Variants in PHLDB1 observed in about 807,000 individuals in gnomAD.
PHLDB1 encodes pleckstrin homology like domain family B member 1.
A neutral mutation model predicts 139.3 loss-of-function variants in PHLDB1; 65 were observed. The observed-to-expected ratio is 0.47, with a 90% CI of 0.38 to 0.57. The LOEUF is 0.57. Ranked by LOEUF, PHLDB1 falls within the 20% of genes least tolerant of loss-of-function variation. The pLI is 0.00. For synonymous variants in PHLDB1, 679 were observed against 734.5 expected (o/e 0.92, Z 1.22); for missense variants, 1,624 against 1,839.7 (o/e 0.88, Z 2.14).
chr11:118,612,763 T>C (rs533326896), intron 1 of PHLDB1, among the ~76,000 whole-genome samples: 1 of 152,304 alleles, frequency 6.6e-6, no homozygotes, highest in East Asian at 1.9e-4. Context: ...CCTTTCCAAG[T>C]CCCCTGGTAG....
At chr11:118,655,401 T>G in intron 20 of PHLDB1, 8 of 482,306 alleles carry the variant, frequency 1.7e-5, no homozygotes, top group East Asian at 3.6e-5. Context: ...GGAGTTCTGA[T>G]TTGTATTTCT....
Position 118,639,023 on chromosome 11 carries a change from C to T in PHLDB1, c.2646+22C>T, listed in dbSNP as rs113313560. Reference sequence around the variant, plus strand: ...AAAGGTAGGGTCCCTGAGGTTGGGCCGGGAGATTTGGAGTAGGGTAAGTGG... The same window carrying T: ...AAAGGTAGGGTCCCTGAGGTTGGGCTGGGAGATTTGGAGTAGGGTAAGTGG... On this transcript the variant is annotated intron_variant, in intron 11 of 22. Transcript: ENST00000600882. 13,851 of 1,601,982 alleles carry T rather than the reference C, an allele frequency of 8.6e-3. 125 individuals carry two copies. Among genetic ancestry groups the T allele is most frequent in the Admixed American group, 0.041 (2,432 of 59,668 alleles).
At position 118,650,631 on chromosome 11, in the gene PHLDB1, C is replaced by T; in HGVS notation, c.3874+84C>T. 1.1e-6 allele frequency: 1 copy of T among 893,746 alleles called. No individual in the cohort carries two copies. The highest frequency in any genetic ancestry group is 1.9e-6 in the Non-Finnish European group (1 of 535,490). The allele number at this position is 893,746 out of a possible 1,614,324, so 55.4% of individuals were successfully genotyped here. A position where few individuals can be genotyped will look rare whatever the true frequency, so the allele number is the denominator to read the frequency against. On this transcript the variant is annotated intron_variant, in intron 20 of 22. Transcript: ENST00000600882. This position sits in a 1 kb window ranked among gnomAD's most constrained non-coding sequence, Gnocchi z 4.7. ...GGACGGCTGGTCTTCTAGAAGGAGGCCAAGCTTCCAAGTAGGGGACCAGAG... is the reference window on the plus strand; with the variant it reads ...GGACGGCTGGTCTTCTAGAAGGAGGTCAAGCTTCCAAGTAGGGGACCAGAG...
rs369034044 is a variant in PHLDB1 at position 118,627,845 on chromosome 11, C to G, written c.1022C>G (p.Ala341Gly). ...GACAGCCCTGCAGCTACTGTCTTGG[C>G]GGAGGCCCGGAGAGCCACTGAGAGC... ...LTDSPAATVL[A>G]EARRATESPR... is the part of the protein sequence containing the mutation. The change falls in exon 6 of 23, where the codon GCG (alanine) becomes GGG (glycine). Residue 341 changes from alanine to glycine, a missense_variant. Transcript: ENST00000600882. 12 of 1,607,242 alleles carry G rather than the reference C, an allele frequency of 7.5e-6. No homozygotes were observed. Among genetic ancestry groups the G allele is most frequent in the Non-Finnish European group, 1.0e-5 (12 of 1,179,780 alleles).
chr11:118,627,363 C>T lies in PHLDB1; in HGVS notation c.540C>T (p.Pro180=). 6.2e-7 allele frequency: 1 copy of T among 1,614,122 alleles called. No individual in the cohort carries two copies. Among genetic ancestry groups the T allele is most frequent in the Non-Finnish European group, 8.5e-7 (1 of 1,179,946 alleles). ...NHTPQTATRG[P]SACASHSSLV... is the part of the protein sequence containing the mutation. Reference sequence around the variant, plus strand: ...CCCCACAGACTGCAACACGGGGACCCTCTGCCTGTGCCAGCCACAGTTCCC... The same window carrying T: ...CCCCACAGACTGCAACACGGGGACCTTCTGCCTGTGCCAGCCACAGTTCCC... Residue 180 remains proline, a synonymous_variant, in exon 6 of 23, where the codon CCC becomes CCT. Coordinates refer to ENST00000600882, the MANE Select transcript of PHLDB1 (RefSeq NM_001144758.3).
chr11:118,609,297 TAC>T (rs1200245804), intron 1 of PHLDB1, among the ~76,000 whole-genome samples: 2 of 19,276 alleles, frequency 1.0e-4, no homozygotes, highest in African/African-American at 8.1e-4. Flanking sequence ...CAGCCCCAGT[TAC>T]ACACACAGCC....
Position 118,639,049 on chromosome 11 carries a change from G to T in PHLDB1, c.2646+48G>T, listed in dbSNP as rs1393243424. On this transcript the variant is annotated intron_variant, in intron 11 of 22. Transcript: ENST00000600882. ...GGGAGATTTGGAGTAGGGTAAGTGG[G>T]AGGGGAGTGCAGAAGGACTGGGGTG... The T allele has an allele frequency of 6.4e-6, 10 of 1,568,854 alleles. No individual in the cohort carries two copies. The African/African-American group carries it at 1.3e-4, about 21-fold the overall frequency.
In PHLDB1 at chr11:118,645,080, C is replaced by T; in HGVS notation, c.3122-276C>T. ...CCAACTGGCTGTCGTGCTGCCCCAG[C>T]ACTACTTGGGTAGGTTTGGTGTCCT... On this transcript the variant is annotated intron_variant, in intron 15 of 22. Transcript: ENST00000600882. This position sits in a 1 kb window ranked among gnomAD's most constrained non-coding sequence, Gnocchi z 5.1. 2.4e-6 allele frequency: 1 copy of T among 414,018 alleles called. No individual in the cohort carries two copies. The highest frequency in any genetic ancestry group is 2.0e-5 in the African/African-American group (1 of 48,806). 25.6% of individuals were successfully genotyped at this position (414,018 alleles called of 1,614,324 possible).
chr11:118,610,423 G>A lies in PHLDB1; in HGVS notation c.-22+2724G>A, dbSNP rs2135618863. ...TCTCGAGGGCGGATGTGCGCCTGGA[G>A]GGCGAAGGCGGCGGCCGAGAGGACC... On this transcript the variant is annotated intron_variant, in intron 1 of 22. Coordinates refer to ENST00000600882, the MANE Select transcript of PHLDB1 (RefSeq NM_001144758.3). The surrounding 1 kb of genome is among the most constrained non-coding windows in gnomAD (Gnocchi z 8.7). The A allele has an allele frequency of 2.0e-6, 2 of 985,016 alleles. No homozygotes were observed. The highest frequency in any genetic ancestry group is 1.7e-5 in the African/African-American group (1 of 57,372). 61.0% of individuals were successfully genotyped at this position (985,016 alleles called of 1,614,324 possible).
rs1227780644 is a variant in PHLDB1, at chr11:118,645,153, G to T, written c.3122-203G>T. 6 of 507,286 alleles carry T rather than the reference G, an allele frequency of 1.2e-5. No homozygotes were observed. Among genetic ancestry groups the T allele is most frequent in the African/African-American group, 2.0e-5 (1 of 50,988 alleles). 31.4% of individuals were successfully genotyped at this position (507,286 alleles called of 1,614,324 possible). On this transcript the variant is annotated intron_variant, in intron 15 of 22. Coordinates refer to ENST00000600882, the MANE Select transcript of PHLDB1 (RefSeq NM_001144758.3). The surrounding 1 kb of genome is among the most constrained non-coding windows in gnomAD (Gnocchi z 5.1). ...AGCACTGAAGCCAGACTGTGCATCT[G>T]TGGCCGGTTGTGCAGGCGACTGAAG...
chr11:118,609,958 T>C (rs974859487), intron 1 of PHLDB1, among the ~76,000 whole-genome samples: 1 of 150,390 alleles, frequency 6.6e-6, no homozygotes, highest in African/African-American at 2.5e-5. Flanking sequence ...CCATCTCTCC[T>C]CTCTTCCGCC....
At chr11:118,641,098 CT>C (rs1275428248) in intron 12 of PHLDB1, 1 of 152,910 alleles carries the variant, frequency 6.5e-6, no homozygotes, top group Non-Finnish European at 1.5e-5. Flanking sequence ...TTGCCCACCC[CT>C]ACCCCTTCTA....
At position 118,627,748 on chromosome 11, in the gene PHLDB1, G is replaced by T; in HGVS notation, c.925G>T (p.Glu309Ter). 1 of 1,608,318 alleles carries T rather than the reference G, an allele frequency of 6.2e-7. No individual in the cohort carries two copies. The highest frequency in any genetic ancestry group is 8.5e-7 in the Non-Finnish European group (1 of 1,179,932). Residue 309 changes from glutamate (E) to a stop codon, truncating the protein, a stop_gained, in exon 6 of 23, where the codon GAG (glutamate) becomes TAG (stop). Coordinates refer to ENST00000600882, the MANE Select transcript of PHLDB1 (RefSeq NM_001144758.3). LOFTEE classifies it high-confidence loss of function. ...PQSRPSGARSESPRLSRKGGH... is the reference protein window; with the variant it reads ...PQSRPSGARS ...GTCCCGCCCAAGTGGTGCTCGCTCC[G>T]AGAGTCCTCGGCTGAGCAGGAAAGG...
In PHLDB1 at chr11:118,608,837, C is replaced by G. The variant is rs577442146; in HGVS notation, c.-22+1138C>G. ...CACAGGAAAGCGCCCCGCGCTCACG[C>G]AGCCCCTCACACCCGCAGCCCCGCT... On this transcript the variant is annotated intron_variant, in intron 1 of 22. Transcript: ENST00000600882. This position sits in a 1 kb window ranked among gnomAD's most constrained non-coding sequence, Gnocchi z 6.7. Among the ~76,000 whole-genome samples the G allele has an allele frequency of 3.9e-5, 6 of 152,178 alleles. No individual in the cohort carries two copies. The highest frequency in any genetic ancestry group is 3.3e-4 in the Admixed American group (5 of 15,286).
intron 22 of PHLDB1, 82 bp from the exon 23 acceptor site, chr11:118,656,600 GA>G (rs1168034051): frequency 4.3e-6 from 6 of 1,396,480 alleles, no homozygotes; most frequent in Non-Finnish European, 6.0e-6. Context: ...GCTGGGAGGG[GA>G]AAGGGCAGAT....
At chr11:118,656,262 C>T (rs1328363425) in intron 22 of PHLDB1, among the ~76,000 whole-genome samples, 1 of 152,110 alleles carries the variant, frequency 6.6e-6, no homozygotes, top group Non-Finnish European at 1.5e-5. Flanking sequence ...TGGTGCCCAC[C>T]CCAGTCCTGA....
At chr11:118,636,158 A>T (rs1555115487) in intron 10 of PHLDB1, among the ~76,000 whole-genome samples, 6 of 151,850 alleles carry the variant, frequency 4.0e-5, no homozygotes. Context: ...AGCTGGGAGG[A>T]GGTATGTGTT....
rs782661804 is a variant in PHLDB1, at chr11:118,620,589, T to C, written c.356-4345T>C. Among the ~76,000 whole-genome samples the C allele has an allele frequency of 6.6e-6, 1 of 152,208 alleles. No homozygotes were observed. Among genetic ancestry groups the C allele is most frequent in the East Asian group, 1.9e-4 (1 of 5,198 alleles). ...ATATCTGTTTCCCAAGTAGGATGGG[T>C]ACCTTATTGGGGTCGGAGGGCTCTT... On this transcript the variant is annotated intron_variant, in intron 4 of 22. Coordinates refer to ENST00000600882, the MANE Select transcript of PHLDB1 (RefSeq NM_001144758.3). This position sits in a 1 kb window ranked among gnomAD's most constrained non-coding sequence, Gnocchi z 4.1.
Position 118,650,677 on chromosome 11 carries a change from T to C in PHLDB1, c.3874+130T>C, listed in dbSNP as rs1948213846. The C allele has an allele frequency of 1.5e-6, 1 of 648,562 alleles. No homozygotes were observed. The highest frequency in any genetic ancestry group is 2.8e-6 in the Non-Finnish European group (1 of 362,432). The allele number at this position is 648,562 out of a possible 1,614,324, so 40.2% of individuals were successfully genotyped here. On this transcript the variant is annotated intron_variant, in intron 20 of 22. Coordinates refer to ENST00000600882, the MANE Select transcript of PHLDB1 (RefSeq NM_001144758.3). The surrounding 1 kb of genome is among the most constrained non-coding windows in gnomAD (Gnocchi z 4.7). ...CAGAGTCTTGGGCTAGGCTTTGCCC[T>C]CCTTCCCTGAAAATGTACACAATGT...
Sources: allele counts gnomAD v4.1 joint callset (sites outside exome capture counted in the v4.1 genomes callset), GRCh38; gene constraint gnomAD v4.1.1; non-coding constraint Gnocchi (gnomAD v3.1); transcripts MANE v1.5; gene names NCBI Gene and HGNC (gene_info 2026-07-23, HGNC 2026-07-21).